Variants in SUMF1 observed in about 807,000 individuals in gnomAD.
The protein encoded by SUMF1 is formylglycine-generating enzyme.
Under a neutral mutation model 47.6 loss-of-function variants are expected in SUMF1, and 48 were observed. That is an observed-to-expected ratio of 1.01 (90% CI 0.80 to 1.28). The LOEUF (loss-of-function observed/expected upper bound fraction) is 1.28, where lower values mean the gene tolerates loss of function less well. SUMF1 is among the 50% of genes most tolerant of loss of function. The probability of loss-of-function intolerance (pLI) is 0.00; values close to 1 mark genes in which losing one functional copy is unlikely to be tolerated. For missense variants in SUMF1, 571 were observed against 485.4 expected (o/e 1.18, Z -1.66); for synonymous variants, 230 against 192.1 (o/e 1.20, Z -1.63).
chr3:4,357,754 T>C (rs1165233013), downstream of SUMF1, among the ~76,000 whole-genome samples: 1 of 151,852 alleles, frequency 6.6e-6, no homozygotes, highest in African/African-American at 2.4e-5. Context: ...ATTACAGGCA[T>C]GCACCAACAA....
chr3:4,178,548 A>G (rs143619564), intron 8 of SUMF1, among the ~76,000 whole-genome samples: 23 of 152,312 alleles, frequency 1.5e-4, no homozygotes, highest in Non-Finnish European at 2.8e-4. Flanking sequence ...TCTCAAAACA[A>G]TAAGAGCTAT....
chr3:4,088,544 A>G (rs1692720543), intron 8 of SUMF1, among the ~76,000 whole-genome samples: 1 of 151,704 alleles, frequency 6.6e-6, no homozygotes, highest in African/African-American at 2.4e-5. Context: ...TTCCTCCTTT[A>G]TTTTGTCTAT....
In SUMF1 at chr3:4,090,800, T is replaced by G. The variant is rs114721656; in HGVS notation, c.1015-22055A>C. ...GTAAACATTATCTTGTTTTTATCAT[T>G]CTTTCTTAAATATATACATAGTTCA... On this transcript the variant is annotated intron_variant and NMD_transcript_variant, in intron 8 of 12. Coordinates refer to the SUMF1 transcript ENST00000448413. 1.1e-3 allele frequency among the ~76,000 whole-genome samples: 160 copies of G among 152,280 alleles called. 7 individuals carry two copies. Among genetic ancestry groups the G allele is most frequent in the African/African-American group, 3.7e-3 (153 of 41,528 alleles).
chr3:4,226,080 C>A (rs1023033991), intron 8 of SUMF1, among the ~76,000 whole-genome samples: 3 of 151,898 alleles, frequency 2.0e-5, no homozygotes, highest in Non-Finnish European at 4.4e-5. Flanking sequence ...AACTTCTGGC[C>A]CACTCCAAAT....
chr3:4,061,737 A>G (rs1283293624), intron 9 of SUMF1, among the ~76,000 whole-genome samples: 9 of 152,112 alleles, frequency 5.9e-5, no homozygotes, highest in Non-Finnish European at 1.2e-4. Flanking sequence ...TTGTCTTATT[A>G]GAACATGGGT....
chr3:4,127,755 A>G (rs1693688566), intron 8 of SUMF1, among the ~76,000 whole-genome samples: 1 of 152,110 alleles, frequency 6.6e-6, no homozygotes. Context: ...TGGTACCAGG[A>G]GTATTTCTAG....
chr3:4,243,066 T>TGAGAA (rs2124999140), intron 8 of SUMF1, among the ~76,000 whole-genome samples: 1 of 152,310 alleles, frequency 6.6e-6, no homozygotes, highest in South Asian at 2.1e-4. Flanking sequence ...GTTTATAGTA[T>TGAGAA]TCTCTGATGG....
intron 8 of SUMF1, among the ~76,000 whole-genome samples, chr3:4,129,306 G>A (rs1574908701): frequency 6.6e-6 from 1 of 152,192 alleles, no homozygotes; most frequent in East Asian, 1.9e-4. Flanking sequence ...CTACTGTAAT[G>A]GACAGCAGAG....
At chr3:4,195,827 C>T (rs1323877784) in intron 8 of SUMF1, among the ~76,000 whole-genome samples, 1 of 151,680 alleles carries the variant, frequency 6.6e-6, no homozygotes, top group African/African-American at 2.4e-5. Context: ...AAGAAATAAA[C>T]TAAGAATCCT....
At chr3:4,303,469 C>T (rs775456167) in intron 8 of SUMF1, 43 of 1,524,394 alleles carry the variant, frequency 2.8e-5, no homozygotes, top group Non-Finnish European at 3.6e-5. Context: ...TCGCGTGCGG[C>T]CAGGAAAACT....
chr3:4,284,226 G>A (rs1697584311), intron 8 of SUMF1, among the ~76,000 whole-genome samples: 1 of 151,698 alleles, frequency 6.6e-6, no homozygotes, highest in Admixed American at 6.6e-5. Flanking sequence ...ACCAGCCTAG[G>A]CAACATGGCA....
intron 8 of SUMF1, among the ~76,000 whole-genome samples, chr3:4,205,933 C>T (rs948976417): frequency 6.6e-6 from 1 of 152,028 alleles, no homozygotes; most frequent in Admixed American, 6.6e-5. Context: ...GCCTGGCTAC[C>T]ACTAATGTTT....
At position 4,441,141 on chromosome 3, in the gene SUMF1, T is replaced by C. The variant is rs546810806; in HGVS notation, c.519+8125A>G. Among the ~76,000 whole-genome samples the C allele has an allele frequency of 1.1e-3, 174 of 152,316 alleles. 1 individual carries two copies. Among genetic ancestry groups the C allele is most frequent in the African/African-American group, 4.0e-3 (167 of 41,556 alleles). ...TTCATCTGTATTTACAGCCCGCTCC[T>C]CGTTGTTTGCGTTACCACCTGAGCT... On this transcript the variant is annotated intron_variant, in intron 3 of 8. Coordinates refer to ENST00000272902, the MANE Select transcript of SUMF1 (RefSeq NM_182760.4).
chr3:4,298,139 T>TA (rs1697891156), intron 8 of SUMF1, among the ~76,000 whole-genome samples: 2 of 152,192 alleles, frequency 1.3e-5, no homozygotes, highest in Non-Finnish European at 1.5e-5. Flanking sequence ...TTCCAAAACC[T>TA]GTTTATGGAA....
chr3:4,366,701 C>T (rs1699971688), intron 8 of SUMF1, among the ~76,000 whole-genome samples: 1 of 152,150 alleles, frequency 6.6e-6, no homozygotes, highest in African/African-American at 2.4e-5. Flanking sequence ...CGTCTGAAGC[C>T]TTCTTCTCTC....
At chr3:4,348,119 T>C (rs1221683482) in intron 8 of SUMF1, among the ~76,000 whole-genome samples, 1 of 152,172 alleles carries the variant, frequency 6.6e-6, no homozygotes, top group Non-Finnish European at 1.5e-5. Context: ...AATTTATAGA[T>C]TCAATGCTAT....
chr3:4,290,612 C>T (rs1264242186), intron 8 of SUMF1, among the ~76,000 whole-genome samples: 3 of 152,162 alleles, frequency 2.0e-5, no homozygotes, highest in Non-Finnish European at 2.9e-5. Context: ...ATACTACCCG[C>T]TCCTCAAAAT....
chr3:4,344,982 G>GA (rs1438664706), intron 8 of SUMF1, among the ~76,000 whole-genome samples: 2 of 151,706 alleles, frequency 1.3e-5, no homozygotes, highest in African/African-American at 2.4e-5. Flanking sequence ...CAAGAATAGA[G>GA]AAAAAAAGAG....
At chr3:4,176,135 C>T (rs539190654) in intron 8 of SUMF1, among the ~76,000 whole-genome samples, 4 of 152,260 alleles carry the variant, frequency 2.6e-5, no homozygotes, top group Admixed American at 2.6e-4. Flanking sequence ...TCCAGGAGAA[C>T]TTTCCCAACC....
Sources: allele counts gnomAD v4.1 joint callset (sites outside exome capture counted in the v4.1 genomes callset), GRCh38; gene constraint gnomAD v4.1.1; transcripts MANE v1.5; gene names NCBI Gene and HGNC (gene_info 2026-07-23, HGNC 2026-07-21).